The following FCHSD2 variants were observed in gnomAD, a reference collection of about 807,000 sequenced individuals.
The protein encoded by FCHSD2 is F-BAR and double SH3 domains protein 2.
Under a neutral mutation model 108.1 loss-of-function variants are expected in FCHSD2, and 38 were observed. The observed-to-expected ratio is 0.35, with a 90% CI of 0.27 to 0.46. FCHSD2 has a LOEUF of 0.46. Among genes scored for constraint, FCHSD2 ranks in the 20% least tolerant of loss-of-function variants. The pLI is 1.00. For missense variants in FCHSD2, 751 were observed against 897.8 expected, an observed-to-expected ratio of 0.84 and a Z score of 2.09; for synonymous variants, 279 against 314.7, an observed-to-expected ratio of 0.89 and a Z score of 1.20.
At chr11:72,900,350 A>C in intron 10 of FCHSD2, 1 of 1,522,412 alleles carries the variant, frequency 6.6e-7, no homozygotes, top group Non-Finnish European at 8.9e-7. Context: ...AGATTGCACA[A>C]GGACAAAAAA....
chr11:72,979,025 T>G (rs1360956936), intron 8 of FCHSD2, among the ~76,000 whole-genome samples: 1 of 151,956 alleles, frequency 6.6e-6, no homozygotes, highest in Non-Finnish European at 1.5e-5. Flanking sequence ...ACACAGCTAA[T>G]TTTTTGTATT....
intron 8 of FCHSD2, among the ~76,000 whole-genome samples, chr11:72,933,031 T>C (rs1227154045): frequency 6.6e-6 from 1 of 152,234 alleles, no homozygotes; most frequent in African/African-American, 2.4e-5. Context: ...TTTTCAGTAG[T>C]GGCATCCTTT....
At chr11:72,868,880 T>C (rs1854789149) in intron 12 of FCHSD2, among the ~76,000 whole-genome samples, 1 of 152,080 alleles carries the variant, frequency 6.6e-6, no homozygotes, top group Non-Finnish European at 1.5e-5. Context: ...CAGCTTAGCT[T>C]TTACTTTTTA....
chr11:73,137,377 A>G (rs1426198581), intron 2 of FCHSD2, among the ~76,000 whole-genome samples: 3 of 152,206 alleles, frequency 2.0e-5, no homozygotes, highest in Non-Finnish European at 4.4e-5. Flanking sequence ...CTGTCTTTAC[A>G]TATTATATAC....
chr11:72,864,284 G>A (rs543865713), intron 13 of FCHSD2, among the ~76,000 whole-genome samples: 1 of 152,180 alleles, frequency 6.6e-6, no homozygotes, highest in Non-Finnish European at 1.5e-5. Flanking sequence ...ATATGGACTG[G>A]GTGTGGTGGC....
intron 4 of FCHSD2, among the ~76,000 whole-genome samples, chr11:73,003,427 T>A (rs1857667025): frequency 6.6e-6 from 1 of 151,958 alleles, no homozygotes; most frequent in Admixed American, 6.6e-5. Flanking sequence ...ATAGTGGTAC[T>A]CCCAATGGTA....
At chr11:73,091,250 C>G (rs1210823794) in intron 2 of FCHSD2, among the ~76,000 whole-genome samples, 1 of 152,066 alleles carries the variant, frequency 6.6e-6, no homozygotes, top group Non-Finnish European at 1.5e-5. Context: ...TGTAAAGACA[C>G]GTTTTAGACC....
chr11:72,900,230 C>T, intron 10 of FCHSD2: 3 of 672,784 alleles, frequency 4.5e-6, no homozygotes, highest in Non-Finnish European at 5.1e-6. Flanking sequence ...TCCCATCCCT[C>T]CCGCCCTTGA....
chr11:72,841,361 A>ATC, intron 18 of FCHSD2, 93 bp downstream of exon 18: 1 of 1,160,878 alleles, frequency 8.6e-7, no homozygotes, highest in Non-Finnish European at 1.2e-6. Flanking sequence ...AAAAAAAAAA[A>ATC]AAAGCAAATG....
At chr11:72,896,432 C>T (rs1258707170) in intron 10 of FCHSD2, among the ~76,000 whole-genome samples, 3 of 152,184 alleles carry the variant, frequency 2.0e-5, no homozygotes, top group Admixed American at 2.0e-4. Context: ...TGAGAAAATG[C>T]CCCTAATGGC....
Position 73,083,760 on chromosome 11 carries a change from T to G in FCHSD2, c.120-20A>C, listed in dbSNP as rs1859752446. 6.9e-7 allele frequency: 1 copy of G among 1,451,798 alleles called. No homozygotes were observed. The allele number at this position is 1,451,798 out of a possible 1,614,324, so 89.9% of individuals were successfully genotyped here. On this transcript the variant is annotated intron_variant, in intron 2 of 19. Coordinates refer to ENST00000409418, the MANE Select transcript of FCHSD2 (RefSeq NM_014824.3). ...AATGTCCTAAAAATACAAAGAAAAATTAATTACCAGAAGGATAACTTAATA... is the reference window on the plus strand; with the variant it reads ...AATGTCCTAAAAATACAAAGAAAAAGTAATTACCAGAAGGATAACTTAATA...
At chr11:73,094,161 A>C (rs1860023137) in intron 2 of FCHSD2, among the ~76,000 whole-genome samples, 1 of 152,180 alleles carries the variant, frequency 6.6e-6, no homozygotes, top group African/African-American at 2.4e-5. Flanking sequence ...CAATGAGCCA[A>C]GACCACGCCA....
chr11:73,118,547 T>C, intron 2 of FCHSD2, among the ~76,000 whole-genome samples: 1 of 152,232 alleles, frequency 6.6e-6, no homozygotes, highest in Non-Finnish European at 1.5e-5. Flanking sequence ...ACTAAGAATG[T>C]TTCTGAGATT....
chr11:72,947,051 G>C (rs185345917), intron 8 of FCHSD2, among the ~76,000 whole-genome samples: 210 of 152,302 alleles, frequency 1.4e-3, no homozygotes, highest in African/African-American at 4.9e-3. Flanking sequence ...TGAGATTCAG[G>C]TCCAAGAAAA....
chr11:73,130,116 C>T (rs1372377210), intron 2 of FCHSD2, among the ~76,000 whole-genome samples: 8 of 152,090 alleles, frequency 5.3e-5, no homozygotes, highest in East Asian at 1.9e-4. Flanking sequence ...TCTCGTGATC[C>T]GCCCGCCTTG....
chr11:72,855,594 C>T (rs560659458), intron 13 of FCHSD2, among the ~76,000 whole-genome samples: 1 of 152,250 alleles, frequency 6.6e-6, no homozygotes, highest in African/African-American at 2.4e-5. Context: ...TTACCATACA[C>T]ACGAACAAAC....
At chr11:72,980,127 A>G (rs1857184733) in intron 8 of FCHSD2, among the ~76,000 whole-genome samples, 2 of 152,212 alleles carry the variant, frequency 1.3e-5, no homozygotes, top group Admixed American at 6.5e-5. Context: ...CTGTCTTCCA[A>G]CGGTTTCTAT....
At chr11:73,044,807 A>G (rs1051231244) in intron 3 of FCHSD2, among the ~76,000 whole-genome samples, 14 of 152,208 alleles carry the variant, frequency 9.2e-5, no homozygotes, top group African/African-American at 3.4e-4. Context: ...ACAGTGGCTC[A>G]CGCCTGTAAT....
intron 2 of FCHSD2, among the ~76,000 whole-genome samples, chr11:73,096,987 A>ATTTTTTTTTTTTTTTGTTTTTTTTTTT (rs1860097945): frequency 3.7e-5 from 1 of 27,020 alleles, no homozygotes; most frequent in Non-Finnish European, 5.6e-5. Context: ...TCATTGATGG[A>ATTTTTTTTTTTTTTTGTTTTTTTTTTT]TTTTTTTTTT....
Sources: gnomAD v4.1 joint callset for allele counts (sites outside exome capture counted in the v4.1 genomes callset) on GRCh38, gnomAD v4.1.1 for gene constraint, MANE v1.5 for transcripts, NCBI Gene and HGNC (gene_info 2026-07-23, HGNC 2026-07-21) for gene names.